Variants in BAZ1B observed in about 807,000 individuals in gnomAD.
BAZ1B encodes tyrosine-protein kinase BAZ1B.
Under a neutral mutation model 153.8 loss-of-function variants are expected in BAZ1B, and 22 were observed. The ratio of observed to expected loss-of-function variants is 0.14; its 90% CI spans 0.10 to 0.20. The LOEUF (loss-of-function observed/expected upper bound fraction) is 0.20, where lower values mean the gene tolerates loss of function less well. Ranked by LOEUF, BAZ1B falls within the 10% of genes least tolerant of loss-of-function variation. The pLI, the probability that BAZ1B is intolerant of heterozygous loss-of-function variation, is 1.00. For missense variants in BAZ1B, 1,325 were observed against 1,799.3 expected (o/e 0.74, Z 4.77); for synonymous variants, 676 against 633.4 (o/e 1.07, Z -1.01).
intron 6 of BAZ1B, among the ~76,000 whole-genome samples, chr7:73,488,550 G>T (rs782814985): frequency 6.6e-6 from 1 of 151,716 alleles, no homozygotes; most frequent in Non-Finnish European, 1.5e-5. Flanking sequence ...TGGCCAACAC[G>T]GCAAAACCCC....
chr7:73,457,243 T>C (rs1788240854), intron 13 of BAZ1B, among the ~76,000 whole-genome samples: 1 of 152,106 alleles, frequency 6.6e-6, no homozygotes, highest in African/African-American at 2.4e-5. Flanking sequence ...AGTGGCTCCA[T>C]CTCTGCTCAC....
chr7:73,492,835 G>A lies in BAZ1B; in HGVS notation c.658C>T (p.His220Tyr), dbSNP rs1182268757. 9 of 1,609,242 alleles carry A rather than the reference G, an allele frequency of 5.6e-6. No homozygotes were observed. Among genetic ancestry groups the A allele is most frequent in the Non-Finnish European group, 7.6e-6 (9 of 1,178,538 alleles). Residue 220 changes from histidine to tyrosine, a missense_variant, in exon 5 of 20, where the codon CAC (histidine) becomes TAC (tyrosine). By Grantham distance (83) the His-to-Tyr change is moderately conservative (BLOSUM62 2). Transcript: ENST00000339594. ...TTTTGTAGTTTCACATCATATTTGTGAGGCAGAAATTTTGGAGGAGCCCAT... is the reference window on the plus strand; with the variant it reads ...TTTTGTAGTTTCACATCATATTTGTAAGGCAGAAATTTTGGAGGAGCCCAT... Reference protein sequence around the residue: ...RKWAPPKFLPHKYDVKLQNED... With the variant: ...RKWAPPKFLPYKYDVKLQNED...
intron 17 of BAZ1B, 116 bp downstream of exon 17, chr7:73,443,868 G>C: frequency 6.7e-7 from 1 of 1,502,188 alleles, no homozygotes; most frequent in Non-Finnish European, 9.1e-7. Context: ...CCCAAGTTTG[G>C]TAAGAAGGAG....
At chr7:73,446,105 C>A (rs1787826650) in intron 16 of BAZ1B, among the ~76,000 whole-genome samples, 1 of 152,144 alleles carries the variant, frequency 6.6e-6, no homozygotes, top group African/African-American at 2.4e-5. Flanking sequence ...AGAAGACGGG[C>A]AAGCCCAAAT....
chr7:73,457,000 A>C lies in BAZ1B; in HGVS notation c.3432+2536T>G, dbSNP rs564133529. On this transcript the variant is annotated intron_variant, in intron 13 of 19. Coordinates refer to ENST00000339594, the MANE Select transcript of BAZ1B (RefSeq NM_032408.4). ...AAAGTATTGGCGAGAATGTGGAAAA[A>C]CCAGAACCCTCATGAGTTGCTGGAG... Among the ~76,000 whole-genome samples the C allele has an allele frequency of 3.3e-5, 5 of 149,468 alleles. No homozygotes were observed. The East Asian group carries it at 9.8e-4, about 29-fold the overall frequency.
chr7:73,509,048 G>T (rs184864938), intron 2 of BAZ1B, among the ~76,000 whole-genome samples: 1 of 150,886 alleles, frequency 6.6e-6, no homozygotes, highest in Admixed American at 6.6e-5. Flanking sequence ...TTGGCTGGGC[G>T]TGGTGGCTCA....
intron 1 of BAZ1B, among the ~76,000 whole-genome samples, chr7:73,513,449 CTAAGTG>C (rs1790666459): frequency 6.6e-6 from 1 of 152,078 alleles, no homozygotes; most frequent in African/African-American, 2.4e-5. Flanking sequence ...GTGCTAATAT[CTAAGTG>C]ATTAAACAAA....
rs782479672 is a variant in BAZ1B, at chr7:73,447,356, G to C, written c.3752C>G (p.Ser1251Cys). ...RGRNYTEESA[S>C]EDSEDDESDE... Reference sequence around the variant, plus strand: ...ACTCTCATCATCTTCACTGTCCTCAGAAGCAGACTCTTCAGTATAGTTCCT... The same window carrying C: ...ACTCTCATCATCTTCACTGTCCTCACAAGCAGACTCTTCAGTATAGTTCCT... Residue 1251 changes from serine to cysteine, a missense_variant, in exon 16 of 20, where the codon TCT becomes TGT. By Grantham distance (112) the Ser-to-Cys change is moderately radical. This residue lies in a region of BAZ1B where 271 missense variants were observed against 337.2 expected (regional missense o/e 0.80). Transcript: ENST00000339594. 1.2e-6 allele frequency: 2 copies of C among 1,613,574 alleles called. No homozygotes were observed. Among genetic ancestry groups the C allele is most frequent in the Admixed American group, 3.3e-5 (2 of 59,968 alleles).
chr7:73,507,003 C>T (rs1415681193), intron 3 of BAZ1B, among the ~76,000 whole-genome samples: 2 of 147,586 alleles, frequency 1.4e-5, no homozygotes, highest in Non-Finnish European at 1.5e-5. Context: ...CTCAGCCTCC[C>T]GAGTAGCTGG....
At chr7:73,449,726 C>G in intron 14 of BAZ1B, 37 bp from the exon 15 acceptor site, 1 of 1,606,794 alleles carries the variant, frequency 6.2e-7, no homozygotes, top group Non-Finnish European at 8.5e-7. Context: ...TTGTTGGGAG[C>G]ACAGCAGCAG....
intron 8 of BAZ1B, 85 bp from the exon 9 acceptor site, chr7:73,469,735 T>C (rs576664509): frequency 6.7e-7 from 1 of 1,496,596 alleles, no homozygotes; most frequent in South Asian, 1.2e-5. Flanking sequence ...TAATACAGAG[T>C]ATCACTGAGC....
intron 6 of BAZ1B, among the ~76,000 whole-genome samples, chr7:73,480,626 T>C (rs781944437): frequency 6.6e-6 from 1 of 152,176 alleles, no homozygotes; most frequent in Non-Finnish European, 1.5e-5. Context: ...AGTACATCAA[T>C]GGCACTCACA....
chr7:73,480,369 T>G (rs1789155455), intron 6 of BAZ1B, among the ~76,000 whole-genome samples: 1 of 152,092 alleles, frequency 6.6e-6, no homozygotes, highest in Admixed American at 6.6e-5. Context: ...CCATTTGTCA[T>G]GATACCACTG....
chr7:73,485,492 G>A (rs1278114046), intron 6 of BAZ1B, among the ~76,000 whole-genome samples: 1 of 151,994 alleles, frequency 6.6e-6, no homozygotes, highest in East Asian at 1.9e-4. Flanking sequence ...TGGGCATGGT[G>A]GTGAGCACCG....
intron 17 of BAZ1B, among the ~76,000 whole-genome samples, chr7:73,443,493 A>G (rs1355686321): frequency 6.6e-6 from 1 of 151,628 alleles, no homozygotes; most frequent in Non-Finnish European, 1.5e-5. Context: ...CCTAACTCCA[A>G]TTTGATCTGT....
At position 73,478,149 on chromosome 7, in the gene BAZ1B, T is replaced by A. The variant is rs782768361; in HGVS notation, c.1312A>T (p.Met438Leu). 5.8e-5 allele frequency: 94 copies of A among 1,614,078 alleles called. No homozygotes were observed. Among genetic ancestry groups the A allele is most frequent in the Non-Finnish European group, 7.7e-5 (91 of 1,180,036 alleles). Residue 438 changes from methionine to leucine, a missense_variant, in exon 7 of 20, where the codon ATG becomes TTG. Around this residue, in one of 9 missense-constraint regions of BAZ1B, gnomAD observed 219 missense variants for 248.2 expected, o/e 0.88. Coordinates refer to ENST00000339594, the MANE Select transcript of BAZ1B (RefSeq NM_032408.4). ...CCTTTGGCCATATCCAACAAAGTCA[T>A]CTGCTTCATTTTGGTTTTAGGAGTC... is the stretch of plus-strand genomic sequence containing the variant. ...LKTPKTKMKQMTLLDMAKGTQ... is the reference protein window; with the variant it reads ...LKTPKTKMKQLTLLDMAKGTQ...
chr7:73,487,299 G>C (rs558388728), intron 6 of BAZ1B, among the ~76,000 whole-genome samples: 1 of 152,082 alleles, frequency 6.6e-6, no homozygotes, highest in Non-Finnish European at 1.5e-5. Flanking sequence ...GTGGTGGTAC[G>C]TGCCTGTAGT....
intron 6 of BAZ1B, among the ~76,000 whole-genome samples, chr7:73,486,907 C>A (rs1054304360): frequency 2.6e-4 from 39 of 152,124 alleles, no homozygotes; most frequent in Non-Finnish European, 4.6e-4. Context: ...AAGCCAAAGT[C>A]CTAATTTTAT....
chr7:73,490,442 C>T (rs1189644512), intron 5 of BAZ1B, among the ~76,000 whole-genome samples: 1 of 152,146 alleles, frequency 6.6e-6, no homozygotes, highest in Non-Finnish European at 1.5e-5. Context: ...CTACCATTCA[C>T]TAAATCTATA....
Sources: allele counts gnomAD v4.1 joint callset (sites outside exome capture counted in the v4.1 genomes callset), GRCh38; gene constraint gnomAD v4.1.1; regional missense constraint gnomAD v4.1.1; transcripts MANE v1.5; gene names NCBI Gene and HGNC (gene_info 2026-07-23, HGNC 2026-07-21).